TMPRSS15: variants seen among roughly 807,000 people sequenced by gnomAD.
TMPRSS15 encodes the protein enteropeptidase.
Under a neutral mutation model 125.3 loss-of-function variants are expected in TMPRSS15, and 128 were observed. The observed-to-expected ratio is 1.02, with a 90% CI of 0.89 to 1.18. TMPRSS15 has a LOEUF of 1.18. Ranked by LOEUF, TMPRSS15 falls within the 50% of genes most tolerant of loss-of-function variation. The pLI, the probability that TMPRSS15 is intolerant of heterozygous loss-of-function variation, is 0.00. For missense variants in TMPRSS15, 1,283 were observed against 1,212.7 expected (o/e 1.06, Z -0.86); for synonymous variants, 446 against 423.2 (o/e 1.05, Z -0.66).
intron 6 of TMPRSS15, among the ~76,000 whole-genome samples, chr21:18,370,633 C>G (rs1043018073): frequency 1.3e-5 from 2 of 152,118 alleles, no homozygotes; most frequent in Non-Finnish European, 2.9e-5. Flanking sequence ...TATTCCGCAG[C>G]CTGCACTTTC....
At chr21:18,474,767 T>C (rs1568737422) in intron 1 of TMPRSS15, among the ~76,000 whole-genome samples, 1 of 152,164 alleles carries the variant, frequency 6.6e-6, no homozygotes, top group Admixed American at 6.6e-5. Context: ...TGTTTCTCCC[T>C]TCCAATTATT....
At chr21:18,274,141 A>G (rs1303907899) in intron 24 of TMPRSS15, among the ~76,000 whole-genome samples, 1 of 152,330 alleles carries the variant, frequency 6.6e-6, no homozygotes, top group African/African-American at 2.4e-5. Context: ...TAATTTTCAA[A>G]TATAGAAAAT....
chr21:18,296,435 T>G (rs985723728), intron 19 of TMPRSS15, among the ~76,000 whole-genome samples: 4 of 152,220 alleles, frequency 2.6e-5, no homozygotes, highest in African/African-American at 9.6e-5. Context: ...TAAGGACATT[T>G]AATTAACTGG....
chr21:18,446,903 CA>C (rs35224323), intron 1 of TMPRSS15, among the ~76,000 whole-genome samples: 82,165 of 151,650 alleles, frequency 0.54, 22,696 homozygotes, highest in East Asian at 0.81. Flanking sequence ...TATATAACCC[CA>C]AAAAACATAG....
At chr21:18,453,287 C>T (rs1326183658) in intron 1 of TMPRSS15, among the ~76,000 whole-genome samples, 1 of 152,140 alleles carries the variant, frequency 6.6e-6, no homozygotes, top group African/African-American at 2.4e-5. Flanking sequence ...CATGAAGGCC[C>T]TCCAGATACT....
intron 3 of TMPRSS15, among the ~76,000 whole-genome samples, chr21:18,394,810 C>T (rs1235162846): frequency 1.3e-5 from 2 of 152,066 alleles, no homozygotes; most frequent in African/African-American, 4.8e-5. Flanking sequence ...CCTTTAAATC[C>T]AGTGACGGAT....
chr21:18,357,489 C>T (rs1199880248), intron 8 of TMPRSS15, among the ~76,000 whole-genome samples: 1 of 151,724 alleles, frequency 6.6e-6, no homozygotes, highest in African/African-American at 2.4e-5. Flanking sequence ...CTTACATTGT[C>T]TCTATATAAT....
chr21:18,349,086 C>T (rs1432603574), intron 10 of TMPRSS15, among the ~76,000 whole-genome samples: 1 of 152,190 alleles, frequency 6.6e-6, no homozygotes, highest in Non-Finnish European at 1.5e-5. Context: ...TACTACTAAA[C>T]TATACTACCT....
At chr21:18,483,201 T>C (rs1394808646) in intron 1 of TMPRSS15, among the ~76,000 whole-genome samples, 1 of 151,918 alleles carries the variant, frequency 6.6e-6, no homozygotes, top group Admixed American at 6.6e-5. Context: ...TATATTTTCC[T>C]TTGCTTCTTT....
intron 5 of TMPRSS15, 69 bp from the exon 6 acceptor site, chr21:18,372,393 C>A (rs907813869): frequency 1.3e-5 from 19 of 1,425,922 alleles, no homozygotes; most frequent in Non-Finnish European, 1.9e-5. Context: ...TTTAATAGGC[C>A]TTTTTGCCAC....
chr21:18,446,134 A>G (rs2076255396), intron 1 of TMPRSS15, among the ~76,000 whole-genome samples: 1 of 152,242 alleles, frequency 6.6e-6, no homozygotes, highest in Non-Finnish European at 1.5e-5. Context: ...ATCAACATAC[A>G]AAAATCAGTA....
rs765298370 is a variant in TMPRSS15, at chr21:18,294,622, C to T, written c.2292G>A (p.Arg764=). ...ACTTACATTTATGGTTACACTGTAA[C>T]CGAATCAAGGAATCCTGTAAACACT... ...SQQCLQDSLI[R]LQCNHKSCGK... The change falls in exon 20 of 25, where the codon CGG becomes CGA. Residue 764 remains arginine, a synonymous_variant. Coordinates refer to ENST00000284885, the MANE Select transcript of TMPRSS15 (RefSeq NM_002772.3). 2.5e-6 allele frequency: 4 copies of T among 1,611,344 alleles called. No individual in the cohort carries two copies. The highest frequency in any genetic ancestry group is 2.5e-6 in the Non-Finnish European group (3 of 1,177,526).
At chr21:18,365,642 T>TCC (rs2075724168) in intron 6 of TMPRSS15, among the ~76,000 whole-genome samples, 2 of 23,754 alleles carry the variant, frequency 8.4e-5, no homozygotes, top group Non-Finnish European at 2.2e-4. Flanking sequence ...TTCTCTCTCT[T>TCC]TTTCCTCCCT....
rs1488580934 is a variant in TMPRSS15, at chr21:18,353,821, G to GA, written c.922dup (p.Ser308PhefsTer13). 1 of 1,611,200 alleles carries GA rather than the reference G, an allele frequency of 6.2e-7. No homozygotes were observed. Among genetic ancestry groups the GA allele is most frequent in the Non-Finnish European group, 8.5e-7 (1 of 1,178,082 alleles). ...AAGAAAGGTGGCAGTAACTTGGTTGGAAAAAATTCTTATTGTGCCAGGATT... is the reference window on the plus strand; with the variant it reads ...AAGAAAGGTGGCAGTAACTTGGTTGGAAAAAAATTCTTATTGTGCCAGGATT... On this transcript the variant is annotated frameshift_variant, in exon 9 of 25. Coordinates refer to ENST00000284885, the MANE Select transcript of TMPRSS15 (RefSeq NM_002772.3). LOFTEE classifies it high-confidence loss of function.
chr21:18,422,915 C>T (rs2076195195), intron 1 of TMPRSS15, among the ~76,000 whole-genome samples: 1 of 152,226 alleles, frequency 6.6e-6, no homozygotes, highest in African/African-American at 2.4e-5. Flanking sequence ...CCAGGGCTCC[C>T]GAATTACTGT....
At chr21:18,316,115 G>C (rs1443029432) in intron 16 of TMPRSS15, among the ~76,000 whole-genome samples, 2 of 152,218 alleles carry the variant, frequency 1.3e-5, no homozygotes, top group East Asian at 3.9e-4. Flanking sequence ...CCATCTACTT[G>C]TTTGCTCAGA....
intron 6 of TMPRSS15, among the ~76,000 whole-genome samples, chr21:18,368,206 C>A (rs977797185): frequency 6.6e-6 from 1 of 152,160 alleles, no homozygotes; most frequent in African/African-American, 2.4e-5. Context: ...CTGTTCACTA[C>A]GCATTTTTTT....
At chr21:18,386,560 C>A (rs2075945815) in intron 3 of TMPRSS15, among the ~76,000 whole-genome samples, 1 of 152,110 alleles carries the variant, frequency 6.6e-6, no homozygotes, top group Non-Finnish European at 1.5e-5. Context: ...AGAGCACTGC[C>A]TTTTTTCCTC....
rs771673357 is a variant in TMPRSS15 at position 18,279,090 on chromosome 21, A to G, written c.2669-31T>C. 3.6e-6 allele frequency: 4 copies of G among 1,124,242 alleles called. No individual in the cohort carries two copies. The South Asian group carries it at 5.0e-5, about 14-fold the overall frequency. 69.6% of individuals were successfully genotyped at this position (1,124,242 alleles called of 1,614,324 possible). ...AAAACAAGCAAACAGCAAAACGAAC[A>G]AACGAAGAAAAAGAAAGAACAGATT... On this transcript the variant is annotated intron_variant, in intron 22 of 24. Transcript: ENST00000284885.
Sources: gnomAD v4.1 joint callset for allele counts (sites outside exome capture counted in the v4.1 genomes callset) on GRCh38, gnomAD v4.1.1 for gene constraint, MANE v1.5 for transcripts, NCBI Gene and HGNC (gene_info 2026-07-23, HGNC 2026-07-21) for gene names.